PLCL1: variants seen among roughly 807,000 people sequenced by gnomAD.
PLCL1 encodes inactive phospholipase C-like protein 1.
Under a neutral mutation model 84.4 loss-of-function variants are expected in PLCL1, and 41 were observed. The ratio of observed to expected loss-of-function variants is 0.49; its 90% CI spans 0.38 to 0.63. PLCL1 has a LOEUF of 0.63. PLCL1 is among the 30% of genes least tolerant of loss of function. PLCL1 has a pLI of 0.00. For missense variants in PLCL1, 1,206 were observed against 1,367.8 expected, an observed-to-expected ratio of 0.88 and a Z score of 1.87; for synonymous variants, 490 against 488.3, an observed-to-expected ratio of 1.00 and a Z score of -0.05.
At chr2:197,898,688 T>G (rs763939001) in intron 1 of PLCL1, among the ~76,000 whole-genome samples, 2 of 80,306 alleles carry the variant, frequency 2.5e-5, no homozygotes, top group Admixed American at 1.1e-4. Context: ...TTTACAATAC[T>G]TATAATTTAT....
intron 1 of PLCL1, among the ~76,000 whole-genome samples, chr2:198,025,762 G>A (rs1399809850): frequency 6.6e-6 from 1 of 152,152 alleles, no homozygotes; most frequent in East Asian, 1.9e-4. Flanking sequence ...GACAGCCTGG[G>A]AAAACTCCTA....
At chr2:198,025,564 T>C (rs1691243066) in intron 1 of PLCL1, among the ~76,000 whole-genome samples, 1 of 152,324 alleles carries the variant, frequency 6.6e-6, no homozygotes, top group East Asian at 1.9e-4. Flanking sequence ...GTAATCTGAA[T>C]GTCTGTCCAT....
chr2:198,119,254 GA>G (rs1413483080), intron 5 of PLCL1, among the ~76,000 whole-genome samples: 5 of 151,704 alleles, frequency 3.3e-5, no homozygotes, highest in East Asian at 1.9e-4. Context: ...TTAATCTTCT[GA>G]AAAAAATGCT....
Position 197,886,411 on chromosome 2 carries a change from C to CAAA in PLCL1, c.240+81111_240+81113dup, listed in dbSNP as rs61183744. On this transcript the variant is annotated intron_variant, in intron 1 of 5. Transcript: ENST00000428675. ...TGGGCAACAGAATGAGACTCTGTCTCAAAAAAAAAAAAAAAAAAAAAAAAA... is the reference window on the plus strand; with the variant it reads ...TGGGCAACAGAATGAGACTCTGTCTCAAAAAAAAAAAAAAAAAAAAAAAAAAAA... Among the ~76,000 whole-genome samples the CAAA allele has an allele frequency of 7.7e-3, 592 of 76,976 alleles. 37 individuals carry two copies. Among genetic ancestry groups the CAAA allele is most frequent in the East Asian group, 0.011 (15 of 1,346 alleles). The allele number at this position is 76,976 out of a possible 152,430, so 50.5% of individuals were successfully genotyped here.
intron 5 of PLCL1, among the ~76,000 whole-genome samples, chr2:198,117,514 TA>T (rs1693773222): frequency 6.6e-6 from 1 of 151,844 alleles, no homozygotes; most frequent in Admixed American, 6.6e-5. Flanking sequence ...GAAACAGTCC[TA>T]TAGACACTTG....
At chr2:197,881,810 C>A (rs1250470367) in intron 1 of PLCL1, among the ~76,000 whole-genome samples, 1 of 152,094 alleles carries the variant, frequency 6.6e-6, no homozygotes, top group Non-Finnish European at 1.5e-5. Context: ...AACCTGCAAG[C>A]ATTCATCACC....
intron 5 of PLCL1, among the ~76,000 whole-genome samples, chr2:198,118,758 G>A (rs1307807796): frequency 6.6e-6 from 1 of 151,982 alleles, no homozygotes; most frequent in African/African-American, 2.4e-5. Flanking sequence ...CATTCCCACT[G>A]AATGCATGTG....
At chr2:198,107,343 G>T (rs1693500589) in intron 5 of PLCL1, among the ~76,000 whole-genome samples, 1 of 151,818 alleles carries the variant, frequency 6.6e-6, no homozygotes, top group Non-Finnish European at 1.5e-5. Context: ...GATGACATTT[G>T]GGTCCAAACC....
chr2:198,144,609 G>A (rs1311602565), intron 5 of PLCL1, among the ~76,000 whole-genome samples: 1 of 152,142 alleles, frequency 6.6e-6, no homozygotes, highest in Admixed American at 6.6e-5. Context: ...TCTTAGAACT[G>A]TAAGGAAGGC....
intron 1 of PLCL1, among the ~76,000 whole-genome samples, chr2:198,050,638 A>G (rs1257627102): frequency 6.6e-6 from 1 of 152,232 alleles, no homozygotes; most frequent in Non-Finnish European, 1.5e-5. Flanking sequence ...ATGTCTCACA[A>G]CATTCCTTTG....
chr2:198,118,811 T>G (rs1345356455), intron 5 of PLCL1, among the ~76,000 whole-genome samples: 1 of 152,030 alleles, frequency 6.6e-6, no homozygotes, highest in African/African-American at 2.4e-5. Context: ...CATGAAGTTG[T>G]CAGTCTAAGC....
intron 1 of PLCL1, among the ~76,000 whole-genome samples, chr2:198,066,382 C>A (rs1014456220): frequency 1.3e-5 from 2 of 152,244 alleles, no homozygotes; most frequent in African/African-American, 4.8e-5. Flanking sequence ...GCAGCTCCTC[C>A]AGCCTCTCAG....
At chr2:197,926,857 G>T (rs1385342534) in intron 1 of PLCL1, among the ~76,000 whole-genome samples, 1 of 152,122 alleles carries the variant, frequency 6.6e-6, no homozygotes, top group Non-Finnish European at 1.5e-5. Context: ...TTGGCATGAG[G>T]TTTCATTTGA....
At chr2:198,014,026 C>T (rs1185104655) in intron 1 of PLCL1, among the ~76,000 whole-genome samples, 1 of 151,954 alleles carries the variant, frequency 6.6e-6, no homozygotes, top group Non-Finnish European at 1.5e-5. Flanking sequence ...TGTCATGACT[C>T]CCAAGCTGAA....
intron 1 of PLCL1, among the ~76,000 whole-genome samples, chr2:197,935,033 T>C (rs1197650128): frequency 6.6e-6 from 1 of 151,954 alleles, no homozygotes; most frequent in Non-Finnish European, 1.5e-5. Flanking sequence ...TATGAAAAAA[T>C]GCTCAACATC....
At chr2:198,018,216 CCCACAG>C (rs777156670) in intron 1 of PLCL1, among the ~76,000 whole-genome samples, 17 of 152,186 alleles carry the variant, frequency 1.1e-4, no homozygotes, top group Non-Finnish European at 2.2e-4. Context: ...CTACGCTTTT[CCCACAG>C]TCTTCGCAAC....
At chr2:197,965,014 T>G (rs1364331611) in intron 1 of PLCL1, among the ~76,000 whole-genome samples, 1 of 152,068 alleles carries the variant, frequency 6.6e-6, no homozygotes, top group Non-Finnish European at 1.5e-5. Context: ...TGGCCTGTAG[T>G]TTTCTTTTAT....
At chr2:197,914,614 C>G (rs2105749086) in intron 1 of PLCL1, among the ~76,000 whole-genome samples, 2 of 152,260 alleles carry the variant, frequency 1.3e-5, no homozygotes, top group South Asian at 4.1e-4. Flanking sequence ...CAGATGTGAG[C>G]CATTGTGCCC....
At chr2:197,931,923 T>A (rs985287447) in intron 1 of PLCL1, among the ~76,000 whole-genome samples, 1 of 152,236 alleles carries the variant, frequency 6.6e-6, no homozygotes, top group African/African-American at 2.4e-5. Flanking sequence ...TCATTTTACA[T>A]AATTTACATA....
Sources: gnomAD v4.1 joint callset for allele counts (sites outside exome capture counted in the v4.1 genomes callset) on GRCh38, gnomAD v4.1.1 for gene constraint, MANE v1.5 for transcripts, NCBI Gene and HGNC (gene_info 2026-07-23, HGNC 2026-07-21) for gene names.